COPZ2: variants seen among roughly 807,000 people sequenced by gnomAD.
The protein encoded by COPZ2 is coat protein complex I subunit zeta 2, also known as coatomer subunit zeta-2.
A neutral mutation model predicts 33.2 loss-of-function variants in COPZ2; 30 were observed. That is an observed-to-expected ratio of 0.90 (90% CI 0.68 to 1.23). The LOEUF is 1.23. Among genes scored for constraint, COPZ2 ranks in the 50% most tolerant of loss-of-function variants. COPZ2 has a pLI of 0.00. For synonymous variants in COPZ2, 89 were observed against 102.6 expected, an observed-to-expected ratio of 0.87 and a Z score of 0.80; for missense variants, 263 against 262.4, an observed-to-expected ratio of 1.00 and a Z score of -0.02.
the COPZ2 span, chr17:48,046,455 G>A: frequency 2.6e-5 from 4 of 152,278 alleles, no homozygotes; most frequent in East Asian, 7.7e-4. Flanking sequence ...GTGGCACCAA[G>A]CCCAGCTTGT....
intron 6 of COPZ2, 145 bp downstream of exon 6, chr17:48,032,011 G>T: frequency 1.4e-6 from 1 of 693,142 alleles, no homozygotes; most frequent in South Asian, 1.7e-5. Flanking sequence ...TAAGGGGAAG[G>T]GCTAGGGGAA....
At position 48,028,258 on chromosome 17, in the gene COPZ2, T is replaced by C. The variant is rs1000758274; in HGVS notation, c.585+214A>G. ...GGGCTGATGGTAACATGCCCATCCA[T>C]CCATTAGTACCCAGCTCCCCTGAGT... On this transcript the variant is annotated intron_variant, in intron 8 of 8. Coordinates refer to ENST00000621465, the MANE Select transcript of COPZ2 (RefSeq NM_016429.4). The surrounding 1 kb of genome is among the most constrained non-coding windows in gnomAD (Gnocchi z 4.5). 6.6e-6 allele frequency among the ~76,000 whole-genome samples: 1 copy of C among 152,102 alleles called. No homozygotes were observed. Among genetic ancestry groups the C allele is most frequent in the South Asian group, 2.1e-4 (1 of 4,818 alleles).
Position 48,037,033 on chromosome 17 carries a change from G to A in COPZ2, c.112-108C>T. The A allele has an allele frequency of 1.0e-6, 1 of 965,772 alleles. No homozygotes were observed. The highest frequency in any genetic ancestry group is 1.7e-6 in the Non-Finnish European group (1 of 599,688). 59.8% of individuals were successfully genotyped at this position (965,772 alleles called of 1,614,324 possible). On this transcript the variant is annotated intron_variant, in intron 1 of 8. Coordinates refer to ENST00000621465, the MANE Select transcript of COPZ2 (RefSeq NM_016429.4). This position sits in a 1 kb window ranked among gnomAD's most constrained non-coding sequence, Gnocchi z 5.6. Reference sequence around the variant, plus strand: ...ACATCCTCAGGCCCCAGCAACCCCAGTCCTCAAGGTCCACAGCTGGTTCTG... The same window carrying A: ...ACATCCTCAGGCCCCAGCAACCCCAATCCTCAAGGTCCACAGCTGGTTCTG...
In COPZ2 at chr17:48,032,562, T is replaced by C. The variant is rs764373405; in HGVS notation, c.416+124A>G. 63 of 826,534 alleles carry C rather than the reference T, an allele frequency of 7.6e-5. No homozygotes were observed. The African/African-American group carries it at 9.0e-4, about 12-fold the overall frequency. 51.2% of individuals were successfully genotyped at this position (826,534 alleles called of 1,614,324 possible). A position where few individuals can be genotyped will look rare whatever the true frequency, so the allele number is the denominator to read the frequency against. On this transcript the variant is annotated intron_variant, in intron 5 of 8. Transcript: ENST00000621465. ...CTACTTTCGTTCATTGTGTCGACTGTGAACTTTTCTTTTTGGATTATCTTA... is the reference window on the plus strand; with the variant it reads ...CTACTTTCGTTCATTGTGTCGACTGCGAACTTTTCTTTTTGGATTATCTTA...
upstream of COPZ2, among the ~76,000 whole-genome samples, chr17:48,039,000 G>A (rs189915526): frequency 6.6e-6 from 1 of 151,832 alleles, no homozygotes; most frequent in East Asian, 1.9e-4. Context: ...TTTGAGACAC[G>A]GTCTCACTCT....
chr17:48,026,986 T>C (rs1165817747), intron 8 of COPZ2, among the ~76,000 whole-genome samples: 1 of 152,248 alleles, frequency 6.6e-6, no homozygotes, highest in African/African-American at 2.4e-5. Flanking sequence ...GCCCAGTGCT[T>C]ACACAAATCC....
upstream of COPZ2, among the ~76,000 whole-genome samples, chr17:48,038,740 C>G (rs911531565): frequency 6.6e-6 from 1 of 152,192 alleles, no homozygotes; most frequent in Non-Finnish European, 1.5e-5. Context: ...CTATTCTTCT[C>G]TTCAAGCCCT....
Position 48,037,276 on chromosome 17 carries a change from T to A in COPZ2, c.112-351A>T, listed in dbSNP as rs773853057. ...GGCCGAGCCTCCTTCTTCCAGCTGA[T>A]CCCTGGCCGGGCTGGACCTGCGCTA... On this transcript the variant is annotated intron_variant, in intron 1 of 8. Coordinates refer to ENST00000621465, the MANE Select transcript of COPZ2 (RefSeq NM_016429.4). This position sits in a 1 kb window ranked among gnomAD's most constrained non-coding sequence, Gnocchi z 5.6. The A allele has an allele frequency of 3.0e-5, 16 of 542,034 alleles. No individual in the cohort carries two copies. Among genetic ancestry groups the A allele is most frequent in the African/African-American group, 1.3e-4 (7 of 51,960 alleles). The allele number at this position is 542,034 out of a possible 1,614,324, so 33.6% of individuals were successfully genotyped here.
rs545642747 is a variant in COPZ2 at position 48,028,617 on chromosome 17, T to G, written c.547-107A>C. ...GGTATGGGTGAGGTGGTGCAGTGGTTAGGGTGATTCAGAGCTGCACCTGTG... is the reference window on the plus strand; with the variant it reads ...GGTATGGGTGAGGTGGTGCAGTGGTGAGGGTGATTCAGAGCTGCACCTGTG... On this transcript the variant is annotated intron_variant, in intron 7 of 8. Transcript: ENST00000621465. This position sits in a 1 kb window ranked among gnomAD's most constrained non-coding sequence, Gnocchi z 4.5. 3 of 1,034,640 alleles carry G rather than the reference T, an allele frequency of 2.9e-6. No homozygotes were observed. The highest frequency in any genetic ancestry group is 3.0e-5 in the South Asian group (2 of 67,194). The allele number at this position is 1,034,640 out of a possible 1,614,324, so 64.1% of individuals were successfully genotyped here.
At chr17:48,043,540 C>G in the COPZ2 span, 1 of 985,396 alleles carries the variant, frequency 1.0e-6, no homozygotes, top group Non-Finnish European at 1.2e-6. Flanking sequence ...AAAACTAAAG[C>G]TTCCATGCTC....
upstream of COPZ2, among the ~76,000 whole-genome samples, chr17:48,043,019 G>A (rs1039577638): frequency 1.3e-5 from 2 of 152,210 alleles, no homozygotes; most frequent in African/African-American, 4.8e-5. Flanking sequence ...GGCCCTAAGA[G>A]GACTTTCCAG....
At chr17:48,037,889 G>T (rs1189417927), upstream of COPZ2, 3 of 972,268 alleles carry the variant, frequency 3.1e-6, no homozygotes, top group Non-Finnish European at 3.7e-6. The surrounding 1 kb of genome is among the most constrained non-coding windows in gnomAD (Gnocchi z 5.6). Context: ...TTTCCTCGGG[G>T]CCCCGTCCTC....
At chr17:48,043,527 G>A in the COPZ2 span, 2 of 985,418 alleles carry the variant, frequency 2.0e-6, no homozygotes, top group East Asian at 2.3e-4. Flanking sequence ...GCATCCTCTA[G>A]AGAAAACTAA....
chr17:48,029,163 T>C lies in COPZ2; in HGVS notation c.508A>G (p.Ser170Gly). 2 of 1,576,496 alleles carry C rather than the reference T, an allele frequency of 1.3e-6. No individual in the cohort carries two copies. The highest frequency in any genetic ancestry group is 1.7e-6 in the Non-Finnish European group (2 of 1,160,944). Residue 170 changes from serine (S) to glycine (G), a missense_variant, in exon 7 of 9, where the codon AGT (serine) becomes GGT (glycine). Transcript: ENST00000621465. Reference sequence around the variant, plus strand: ...TTCTGGATCACTTGCTGGGGGTCACTCTCCAGAATCACACTACAAGATGAG... The same window carrying C: ...TTCTGGATCACTTGCTGGGGGTCACCCTCCAGAATCACACTACAAGATGAG... Reference protein sequence around the residue: ...EIVDGGVILESDPQQVIQKVN... With the variant: ...EIVDGGVILEGDPQQVIQKVN...
the COPZ2 span, among the ~76,000 whole-genome samples, chr17:48,043,383 A>C: frequency 1.3e-5 from 2 of 152,266 alleles, 1 homozygote; most frequent in Middle Eastern, 6.8e-3. Context: ...TGTCTGTCCT[A>C]GGATTTCAGC....
At chr17:48,032,005 G>A (rs72823530) in intron 6 of COPZ2, 151 bp downstream of exon 6, 110,046 of 663,216 alleles carry the variant, frequency 0.17, 11,067 homozygotes, top group Non-Finnish European at 0.21. Context: ...CGCTAGTAAG[G>A]GGAAGGGCTA....
Position 48,028,471 on chromosome 17 carries a change from C to G in COPZ2, c.585+1G>C. ...GCCAAGGCAGATGCAGGGGGGCCTA[C>G]CTGGGCCACACTCTGTTCAGTCAAG... On this transcript the variant is annotated splice_donor_variant, in intron 8 of 8. Coordinates refer to ENST00000621465, the MANE Select transcript of COPZ2 (RefSeq NM_016429.4). LOFTEE classifies it high-confidence loss of function. This position sits in a 1 kb window ranked among gnomAD's most constrained non-coding sequence, Gnocchi z 4.5. 4 of 1,609,240 alleles carry G rather than the reference C, an allele frequency of 2.5e-6. No individual in the cohort carries two copies. The highest frequency in any genetic ancestry group is 3.4e-6 in the Non-Finnish European group (4 of 1,177,904).
chr17:48,032,233 C>T lies in COPZ2; in HGVS notation c.417G>A (p.Arg139=), dbSNP rs1474039098. ...GCAACCAGCGCTTCTCCACGTTCTT[C>T]CTGAAGGTGGACACAAGCTCCTGAG... ...CLFESLNHML[R]KNVEKRWLLE... is the part of the protein sequence containing the mutation. The change falls in exon 6 of 9, where the codon AGG becomes AGA. Residue 139 remains arginine (R), a splice_region_variant and synonymous_variant. Coordinates refer to ENST00000621465, the MANE Select transcript of COPZ2 (RefSeq NM_016429.4). The T allele has an allele frequency of 1.2e-6, 2 of 1,611,776 alleles. No individual in the cohort carries two copies. The highest frequency in any genetic ancestry group is 1.1e-5 in the South Asian group (1 of 90,266).
the COPZ2 span, chr17:48,047,041 G>C: frequency 6.6e-6 from 1 of 152,096 alleles, no homozygotes; most frequent in Non-Finnish European, 1.5e-5. Context: ...GTTTTTTTAA[G>C]AATTCCATGA....
Sources: gnomAD v4.1 joint callset for allele counts (sites outside exome capture counted in the v4.1 genomes callset) on GRCh38, gnomAD v4.1.1 for gene constraint, Gnocchi (gnomAD v3.1) non-coding constraint, MANE v1.5 for transcripts, NCBI Gene and HGNC (gene_info 2026-07-23, HGNC 2026-07-21) for gene names.